The following PRKD1 variants were observed in gnomAD, a reference collection of about 807,000 sequenced individuals.
PRKD1 encodes serine/threonine-protein kinase D1.
In PRKD1, 63 loss-of-function variants were observed where a neutral mutation model predicts 95.9. The ratio of observed to expected loss-of-function variants is 0.66; its 90% CI spans 0.54 to 0.81. The LOEUF is 0.81. Among genes scored for constraint, PRKD1 ranks in the 30% least tolerant of loss-of-function variants. The pLI is 0.00. For synonymous variants in PRKD1, 425 were observed against 423.1 expected, an observed-to-expected ratio of 1.00 and a Z score of -0.05; for missense variants, 1,048 against 1,165.3, an observed-to-expected ratio of 0.90 and a Z score of 1.47.
chr14:29,637,012 C>T (rs987593189), intron 6 of PRKD1, among the ~76,000 whole-genome samples: 2 of 152,082 alleles, frequency 1.3e-5, no homozygotes, highest in African/African-American at 2.4e-5. Context: ...GGTAGATGCT[C>T]GTTTTCCGTT....
chr14:29,717,696 T>C (rs1885690936), intron 2 of PRKD1, among the ~76,000 whole-genome samples: 1 of 152,052 alleles, frequency 6.6e-6, no homozygotes, highest in African/African-American at 2.4e-5. Context: ...AAAAGAACAA[T>C]ATGTGGCAAG....
At chr14:29,841,074 CCTTT>C (rs1891823416) in intron 1 of PRKD1, among the ~76,000 whole-genome samples, 1 of 152,178 alleles carries the variant, frequency 6.6e-6, no homozygotes, top group Admixed American at 6.5e-5. Flanking sequence ...GCCTGTGGCC[CCTTT>C]CTTTTGGCCG....
intron 13 of PRKD1, among the ~76,000 whole-genome samples, chr14:29,603,341 A>AT (rs1042951469): frequency 6.6e-6 from 1 of 152,184 alleles, no homozygotes; most frequent in African/African-American, 2.4e-5. Context: ...TAGGAACTGT[A>AT]TTTTTTCTTG....
chr14:29,583,757 A>T (rs187340318), intron 16 of PRKD1, among the ~76,000 whole-genome samples: 5 of 152,250 alleles, frequency 3.3e-5, no homozygotes, highest in African/African-American at 9.6e-5. Context: ...TTTTCTCCTC[A>T]TGAGCAGAGT....
At chr14:29,889,153 T>A (rs149968560) in intron 1 of PRKD1, among the ~76,000 whole-genome samples, 1 of 152,274 alleles carries the variant, frequency 6.6e-6, no homozygotes, top group Admixed American at 6.5e-5. Flanking sequence ...GATATAAGCG[T>A]CTAAAGTTCA....
intron 1 of PRKD1, among the ~76,000 whole-genome samples, chr14:29,826,806 TATATATACAC>T (rs1891190242): frequency 1.8e-5 from 1 of 56,468 alleles, no homozygotes; most frequent in Non-Finnish European, 3.3e-5. Flanking sequence ...TATATACACA[TATATATACAC>T]ATATATATAT....
intron 1 of PRKD1, among the ~76,000 whole-genome samples, chr14:29,786,573 T>G (rs1474307629): frequency 1.3e-5 from 2 of 152,180 alleles, no homozygotes; most frequent in African/African-American, 2.4e-5. Flanking sequence ...CTTGATAGGC[T>G]GTGTGTGTCC....
At chr14:29,803,070 C>T (rs1470025338) in intron 1 of PRKD1, among the ~76,000 whole-genome samples, 1 of 152,194 alleles carries the variant, frequency 6.6e-6, no homozygotes, top group Admixed American at 6.5e-5. Context: ...CAAGACTATC[C>T]TCTATATATC....
chr14:29,826,830 T>A (rs1470390592), intron 1 of PRKD1, among the ~76,000 whole-genome samples: 1 of 27,878 alleles, frequency 3.6e-5, no homozygotes, highest in Non-Finnish European at 6.7e-5. Context: ...TATATATATA[T>A]ATATATATAC....
At chr14:29,580,549 T>C (rs747636113) in intron 16 of PRKD1, among the ~76,000 whole-genome samples, 4 of 152,156 alleles carry the variant, frequency 2.6e-5, no homozygotes, top group Admixed American at 1.3e-4. Context: ...CACCTATAGC[T>C]AAATGTTGGG....
intron 1 of PRKD1, among the ~76,000 whole-genome samples, chr14:29,863,959 A>C (rs990932065): frequency 1.3e-5 from 2 of 152,156 alleles, no homozygotes; most frequent in African/African-American, 2.4e-5. Context: ...AAGAACAGCT[A>C]AAATAATTTT....
chr14:29,687,941 C>T (rs1959433), intron 2 of PRKD1, among the ~76,000 whole-genome samples: 79,139 of 152,046 alleles, frequency 0.52, 23,210 homozygotes, highest in African/African-American at 0.8. Context: ...TAGTTTCCTA[C>T]TGCTGCTACA....
chr14:29,850,803 T>G (rs1407651559), intron 1 of PRKD1, among the ~76,000 whole-genome samples: 2 of 145,716 alleles, frequency 1.4e-5, no homozygotes, highest in Non-Finnish European at 3.0e-5. Context: ...AAGCCAAGAG[T>G]ATTACATTAC....
At chr14:29,669,096 A>G (rs76629726) in intron 2 of PRKD1, among the ~76,000 whole-genome samples, 3,968 of 152,336 alleles carry the variant, frequency 0.026, 145 homozygotes, top group African/African-American at 0.079. Flanking sequence ...AATTAAATAC[A>G]TATAACACAC....
intron 2 of PRKD1, among the ~76,000 whole-genome samples, chr14:29,704,239 T>C (rs7156359): frequency 0.52 from 78,840 of 151,716 alleles, 23,053 homozygotes; most frequent in African/African-American, 0.8. Context: ...AAATAAAACA[T>C]GTAATTATGG....
At chr14:29,720,326 T>C (rs67278031) in intron 2 of PRKD1, among the ~76,000 whole-genome samples, 15,391 of 152,134 alleles carry the variant, frequency 0.1, 1,052 homozygotes, top group African/African-American at 0.19. Context: ...AGATAAAGGA[T>C]ATGAACTCAG....
At chr14:29,732,903 GC>G (rs1459671039) in intron 1 of PRKD1, among the ~76,000 whole-genome samples, 5 of 145,170 alleles carry the variant, frequency 3.4e-5, no homozygotes, top group Admixed American at 2.8e-4. Context: ...ATAGTGATGT[GC>G]CTTGAAGTGT....
At position 29,738,803 on chromosome 14, in the gene PRKD1, TTCTC is replaced by T. The variant is rs931344307; in HGVS notation, c.265-13133_265-13130del. ...CTTCTTTCTTTCTCTCTCTCTTTCTTTCTCTCTGTCTCTCTCTCTTTCTTTTTTC... is the reference window on the plus strand; with the variant it reads ...CTTCTTTCTTTCTCTCTCTCTTTCTTTCTGTCTCTCTCTCTTTCTTTTTTC... On this transcript the variant is annotated intron_variant, in intron 1 of 17. Transcript: ENST00000331968. Among the ~76,000 whole-genome samples the T allele has an allele frequency of 2.0e-5, 3 of 151,492 alleles. No individual in the cohort carries two copies. In the South Asian group the frequency reaches 6.3e-4, roughly 32 times the overall value.
chr14:29,779,960 A>T (rs1250994018), intron 1 of PRKD1, among the ~76,000 whole-genome samples: 2 of 152,214 alleles, frequency 1.3e-5, no homozygotes, highest in Admixed American at 1.3e-4. Flanking sequence ...ATGGAACAGA[A>T]CAGACCCCTC....
Sources: gnomAD v4.1 joint callset for allele counts (sites outside exome capture counted in the v4.1 genomes callset) on GRCh38, gnomAD v4.1.1 for gene constraint, MANE v1.5 for transcripts, NCBI Gene and HGNC (gene_info 2026-07-23, HGNC 2026-07-21) for gene names.